The following LUZP2 variants were observed in gnomAD, a reference collection of about 807,000 sequenced individuals.
The protein encoded by LUZP2 is leucine zipper protein 2.
Under a neutral mutation model 51.6 loss-of-function variants are expected in LUZP2, and 52 were observed. The observed-to-expected ratio is 1.01, with a 90% CI of 0.81 to 1.27. The LOEUF (loss-of-function observed/expected upper bound fraction) is 1.27, where lower values mean the gene tolerates loss of function less well. Among genes scored for constraint, LUZP2 ranks in the 50% most tolerant of loss-of-function variants. The pLI is 0.00. For synonymous variants in LUZP2, 154 were observed against 137.3 expected (o/e 1.12, Z -0.85); for missense variants, 436 against 395.4 (o/e 1.10, Z -0.87).
At chr11:24,789,474 A>G (rs1364858849) in intron 5 of LUZP2, among the ~76,000 whole-genome samples, 2 of 152,122 alleles carry the variant, frequency 1.3e-5, no homozygotes, top group Non-Finnish European at 2.9e-5. Context: ...AATTTGCTCA[A>G]GTTGGTATTA....
chr11:24,725,884 C>A (rs547750390), intron 1 of LUZP2, among the ~76,000 whole-genome samples: 2 of 152,156 alleles, frequency 1.3e-5, no homozygotes, highest in African/African-American at 4.8e-5. Flanking sequence ...AATTTAGACA[C>A]AGAGATACAC....
chr11:24,769,786 C>CTCTTTT (rs764723270), intron 5 of LUZP2, among the ~76,000 whole-genome samples: 10 of 147,036 alleles, frequency 6.8e-5, no homozygotes, highest in Non-Finnish European at 1.2e-4. Context: ...ACTAAATTCT[C>CTCTTTT]TTTTTTGTTT....
At chr11:24,628,224 C>G (rs1055313867) in intron 1 of LUZP2, among the ~76,000 whole-genome samples, 2 of 152,012 alleles carry the variant, frequency 1.3e-5, no homozygotes, top group Non-Finnish European at 2.9e-5. Context: ...CACACACACA[C>G]ACACACACAC....
intron 5 of LUZP2, among the ~76,000 whole-genome samples, chr11:24,877,764 C>T (rs564621252): frequency 2.6e-5 from 4 of 152,280 alleles, no homozygotes; most frequent in African/African-American, 9.6e-5. Context: ...CCCAACTACT[C>T]TTCTCAGGCT....
chr11:25,025,713 A>G (rs1242297084), intron 9 of LUZP2, among the ~76,000 whole-genome samples: 1 of 152,156 alleles, frequency 6.6e-6, no homozygotes, highest in African/African-American at 2.4e-5. Flanking sequence ...AACTAGTTCA[A>G]CCCTTGTGGA....
At chr11:24,807,465 G>GA (rs56048182) in intron 5 of LUZP2, among the ~76,000 whole-genome samples, 131,852 of 139,582 alleles carry the variant, frequency 0.94, 62,405 homozygotes, top group East Asian at 0.99. Flanking sequence ...CATCTCAAAA[G>GA]AAAAAAAAAA....
chr11:25,043,964 C>CCTCTACATATATCTGATATATATATAGT (rs1858165545), intron 9 of LUZP2, among the ~76,000 whole-genome samples: 2 of 45,252 alleles, frequency 4.4e-5, no homozygotes, highest in African/African-American at 1.4e-4. Context: ...TATATATAGT[C>CCTCTACATATATCTGATATATATATAGT]CATATATATC....
At chr11:24,827,536 G>A (rs1850579156) in intron 5 of LUZP2, among the ~76,000 whole-genome samples, 1 of 152,082 alleles carries the variant, frequency 6.6e-6, no homozygotes. Context: ...TATTCTTAAG[G>A]AAAAGTACAT....
At chr11:24,903,522 G>T (rs1289808710) in intron 5 of LUZP2, among the ~76,000 whole-genome samples, 1 of 152,160 alleles carries the variant, frequency 6.6e-6, no homozygotes, top group Admixed American at 6.5e-5. Flanking sequence ...TAAACTTGAT[G>T]TATCTGTTCA....
chr11:24,555,142 G>A (rs1851828785), intron 1 of LUZP2, among the ~76,000 whole-genome samples: 2 of 152,164 alleles, frequency 1.3e-5, no homozygotes, highest in South Asian at 2.1e-4. Context: ...CTTATTTCGA[G>A]AAATATTTGA....
At chr11:24,662,255 A>C (rs1157584452) in intron 1 of LUZP2, among the ~76,000 whole-genome samples, 2 of 152,176 alleles carry the variant, frequency 1.3e-5, no homozygotes, top group African/African-American at 2.4e-5. Flanking sequence ...AAAACATCAC[A>C]TTCATAAAAC....
At chr11:24,635,206 A>G (rs1354276918) in intron 1 of LUZP2, among the ~76,000 whole-genome samples, 7 of 152,098 alleles carry the variant, frequency 4.6e-5, no homozygotes, top group Non-Finnish European at 8.8e-5. Context: ...ATTATAAAAG[A>G]TAATGAAATA....
At chr11:25,077,655 A>G (rs538641174) in intron 11 of LUZP2, among the ~76,000 whole-genome samples, 2 of 150,828 alleles carry the variant, frequency 1.3e-5, no homozygotes, top group South Asian at 2.1e-4. Flanking sequence ...GCCCACCACC[A>G]CGCCCAAATT....
In LUZP2 at chr11:24,983,300, A is replaced by G; in HGVS notation, c.765+7A>G. 6.2e-7 allele frequency: 1 copy of G among 1,610,368 alleles called. No homozygotes were observed. ...TGCAGCGGCCAAAAGCAAGGTACCT[A>G]CCTTTTATTTGCGCTTTGTAAAGTA... On this transcript the variant is annotated splice_region_variant and intron_variant, in intron 9 of 11. Coordinates refer to ENST00000336930, the MANE Select transcript of LUZP2 (RefSeq NM_001009909.4).
intron 1 of LUZP2, among the ~76,000 whole-genome samples, chr11:24,659,822 G>A (rs1001618574): frequency 6.6e-6 from 1 of 152,078 alleles, no homozygotes; most frequent in African/African-American, 2.4e-5. Flanking sequence ...CAAGAGTCCT[G>A]CACCCTGATA....
intron 1 of LUZP2, among the ~76,000 whole-genome samples, chr11:24,634,499 AT>A (rs1000320437): frequency 1.3e-5 from 2 of 151,936 alleles, no homozygotes; most frequent in Non-Finnish European, 2.9e-5. Context: ...GAGATCAAGC[AT>A]TTTCTTTCTG....
At chr11:24,548,746 A>G (rs1257927458) in intron 1 of LUZP2, among the ~76,000 whole-genome samples, 1 of 152,096 alleles carries the variant, frequency 6.6e-6, no homozygotes, top group Non-Finnish European at 1.5e-5. Context: ...TAAGAAAATA[A>G]CATGAAGGGA....
intron 10 of LUZP2, among the ~76,000 whole-genome samples, chr11:25,063,397 A>C (rs1484342068): frequency 1.3e-5 from 2 of 151,786 alleles, no homozygotes; most frequent in Admixed American, 1.3e-4. Context: ...CCATTTATCC[A>C]TCTTAATACA....
At chr11:25,033,111 A>G (rs916428474) in intron 9 of LUZP2, among the ~76,000 whole-genome samples, 4 of 152,202 alleles carry the variant, frequency 2.6e-5, no homozygotes, top group East Asian at 1.9e-4. Flanking sequence ...GGTTACAGCC[A>G]TTAGTCCTGA....
Sources: allele counts gnomAD v4.1 joint callset (sites outside exome capture counted in the v4.1 genomes callset), GRCh38; gene constraint gnomAD v4.1.1; transcripts MANE v1.5; gene names NCBI Gene and HGNC (gene_info 2026-07-23, HGNC 2026-07-21).